DTX2: variants seen among roughly 807,000 people sequenced by gnomAD.
DTX2 encodes the protein deltex E3 ubiquitin ligase 2.
A neutral mutation model predicts 55.3 loss-of-function variants in DTX2; 29 were observed. That is an observed-to-expected ratio of 0.52 (90% CI 0.39 to 0.71). The LOEUF is 0.71. Ranked by LOEUF, DTX2 falls within the 30% of genes least tolerant of loss-of-function variation. The probability of loss-of-function intolerance (pLI) is 0.00; values close to 1 mark genes in which losing one functional copy is unlikely to be tolerated. For missense variants in DTX2, 537 were observed against 822.5 expected (o/e 0.65, Z 4.25); for synonymous variants, 276 against 340.4 (o/e 0.81, Z 2.08).
At position 76,480,776 on chromosome 7, in the gene DTX2, C is replaced by T. The variant is rs765684567; in HGVS notation, c.267C>T (p.Thr89=). 1.3e-4 allele frequency: 205 copies of T among 1,594,808 alleles called. No individual in the cohort carries two copies. Among genetic ancestry groups the T allele is most frequent in the South Asian group, 9.1e-4 (81 of 88,780 alleles). Residue 89 remains threonine (T), a splice_region_variant and synonymous_variant, in exon 3 of 11, where the codon ACC becomes ACT. Coordinates refer to ENST00000430490, the MANE Select transcript of DTX2 (RefSeq NM_001102594.3). ...LPSWTQFRQD[T]GTMRAVRRHL... ...GCTGGACCCAGTTCCGCCAGGACAC[C>T]GGTAAGACGCTGTCTGCCTCTCGCA...
Position 76,483,093 on chromosome 7 carries a change from CCCA to C in DTX2, c.857_859del (p.His286del). 2 of 1,613,160 alleles carry C rather than the reference CCCA, an allele frequency of 1.2e-6. No individual in the cohort carries two copies. Among genetic ancestry groups the C allele is most frequent in the African/African-American group, 2.7e-5 (2 of 75,056 alleles). On this transcript the variant is annotated inframe_deletion, in exon 4 of 11. Coordinates refer to ENST00000430490, the MANE Select transcript of DTX2 (RefSeq NM_001102594.3). ...CAGCCCCTCTACCGCTCCAGCCTCT[CCCA>C]CCTGGGACCGCAGCACCTGCCCCCA...
Position 76,482,679 on chromosome 7 carries a change from C to G in DTX2, c.440C>G (p.Pro147Arg), listed in dbSNP as rs1809387224. ...GGCAACCAGCTCGTGGACTTGGCCC[C>G]CCTGGGGTACAACTACACTGTCAAC... ...ARGNQLVDLAPLGYNYTVNYT... is the reference protein window; with the variant it reads ...ARGNQLVDLARLGYNYTVNYT... Residue 147 changes from proline (P) to arginine (R), a missense_variant, in exon 4 of 11, where the codon CCC becomes CGC. Coordinates refer to ENST00000430490, the MANE Select transcript of DTX2 (RefSeq NM_001102594.3). 6.2e-7 allele frequency: 1 copy of G among 1,613,666 alleles called. No homozygotes were observed. The highest frequency in any genetic ancestry group is 8.5e-7 in the Non-Finnish European group (1 of 1,179,776).
Position 76,505,618 on chromosome 7 carries a change from G to A in DTX2, c.*17G>A, listed in dbSNP as rs762950989. ...CAGCAGTGACCTCGCACCCCAGCAC[G>A]CCCGCCTCTGGTGGCCACCCCGCTG... is the stretch of plus-strand genomic sequence containing the variant. On this transcript the variant is annotated 3_prime_UTR_variant, in exon 11 of 11. Transcript: ENST00000430490. This position sits in a 1 kb window ranked among gnomAD's most constrained non-coding sequence, Gnocchi z 4.4. 1.5e-5 allele frequency: 23 copies of A among 1,502,154 alleles called. No individual in the cohort carries two copies. In the East Asian group the frequency reaches 2.0e-4, roughly 13 times the overall value. The allele number at this position is 1,502,154 out of a possible 1,614,324, so 93.1% of individuals were successfully genotyped here. A position where few individuals can be genotyped will look rare whatever the true frequency, so the allele number is the denominator to read the frequency against.
chr7:76,471,320 C>T (rs1311307870), intron 2 of DTX2, among the ~76,000 whole-genome samples: 1 of 147,832 alleles, frequency 6.8e-6, no homozygotes, highest in Non-Finnish European at 1.5e-5. Flanking sequence ...CGCCACCGCG[C>T]CCGGCTAATT....
chr7:76,484,013 C>T lies in DTX2; in HGVS notation c.908+866C>T, dbSNP rs528249997. On this transcript the variant is annotated intron_variant, in intron 4 of 10. Transcript: ENST00000430490. Reference sequence around the variant, plus strand: ...TCAAGGCAGCAGTGAGCTGTGATCGCACCACTGCACTTCAGCCCCCTAGGT... The same window carrying T: ...TCAAGGCAGCAGTGAGCTGTGATCGTACCACTGCACTTCAGCCCCCTAGGT... Among the ~76,000 whole-genome samples, 1,053 of 145,116 alleles carry T rather than the reference C, an allele frequency of 7.3e-3. 30 individuals carry two copies. The highest frequency in any genetic ancestry group is 0.025 in the African/African-American group (947 of 37,848).
intron 2 of DTX2, among the ~76,000 whole-genome samples, chr7:76,468,410 G>A (rs1807421611): frequency 7.3e-6 from 1 of 136,764 alleles, no homozygotes; most frequent in Admixed American, 7.8e-5. Flanking sequence ...GCAGAGGTCT[G>A]CAAACGATGG....
At chr7:76,473,938 TGA>T (rs1808222813) in intron 2 of DTX2, among the ~76,000 whole-genome samples, 1 of 113,328 alleles carries the variant, frequency 8.8e-6, no homozygotes, top group Admixed American at 9.5e-5. Context: ...TTTTTTTTTT[TGA>T]GACTGAGTTT....
intron 9 of DTX2, 35 bp downstream of exon 9, chr7:76,503,622 A>T: frequency 3.8e-6 from 6 of 1,579,136 alleles, no homozygotes; most frequent in Non-Finnish European, 5.2e-6. Context: ...ACTCCTGGCC[A>T]CTCCTCTTCC....
rs1811945863 is a variant in DTX2, at chr7:76,503,308, C to G, written c.1390-118C>G. On this transcript the variant is annotated intron_variant, in intron 8 of 10. Transcript: ENST00000430490. ...CAGTTTCCGGGCAGGAGGCTGCCAG[C>G]AACTCCCTGGGATGGTGGCCAGCCC... 21 of 1,193,440 alleles carry G rather than the reference C, an allele frequency of 1.8e-5. No individual in the cohort carries two copies. The South Asian group carries it at 3.5e-4, about 20-fold the overall frequency. The allele number at this position is 1,193,440 out of a possible 1,614,324, so 73.9% of individuals were successfully genotyped here.
At chr7:76,501,257 C>G in intron 7 of DTX2, 1 of 456,164 alleles carries the variant, frequency 2.2e-6, no homozygotes. Flanking sequence ...TCACTTGTCT[C>G]TTTCTCCAGT....
intron 2 of DTX2, among the ~76,000 whole-genome samples, chr7:76,475,235 C>T (rs1382288771): frequency 5.3e-5 from 8 of 151,742 alleles, no homozygotes; most frequent in East Asian, 3.9e-4. Context: ...CACTTGAACC[C>T]GGGAGGCGGA....
At chr7:76,498,375 A>G (rs1461908542) in intron 6 of DTX2, among the ~76,000 whole-genome samples, 1 of 151,268 alleles carries the variant, frequency 6.6e-6, no homozygotes, top group Non-Finnish European at 1.5e-5. Flanking sequence ...AGGGCTCTGC[A>G]CGCCCTGCCC....
chr7:76,471,223 G>A (rs1284466354), intron 2 of DTX2, among the ~76,000 whole-genome samples: 9 of 138,814 alleles, frequency 6.5e-5, no homozygotes, highest in South Asian at 2.6e-4. Context: ...GTGCAGTGGC[G>A]CGATCTTGGC....
intron 2 of DTX2, among the ~76,000 whole-genome samples, chr7:76,468,447 C>CTTTTT (rs1807434283): frequency 1.3e-5 from 1 of 77,676 alleles, no homozygotes. Context: ...GGCCCACTGC[C>CTTTTT]ATTTTTTTTT....
intron 2 of DTX2, among the ~76,000 whole-genome samples, chr7:76,469,348 C>G (rs1807592656): frequency 8.4e-6 from 1 of 119,154 alleles, no homozygotes; most frequent in African/African-American, 3.4e-5. Context: ...TCAAGGGAAG[C>G]TTGAAATCTA....
At chr7:76,498,394 C>A (rs1443129251) in intron 6 of DTX2, among the ~76,000 whole-genome samples, 4 of 151,766 alleles carry the variant, frequency 2.6e-5, no homozygotes, top group Admixed American at 1.3e-4. Context: ...CCTTCCCCTG[C>A]CCTGGGGGAG....
In DTX2 at chr7:76,490,226, T is replaced by C. The variant is rs1477350989; in HGVS notation, c.909-1927T>C. On this transcript the variant is annotated intron_variant, in intron 4 of 10. Coordinates refer to ENST00000430490, the MANE Select transcript of DTX2 (RefSeq NM_001102594.3). ...CTGTAGTCCCAGCTACTCAGGAGGC[T>C]GAGGCAGGAGAATCGCTTGAACCTG... is the stretch of plus-strand genomic sequence containing the variant. Among the ~76,000 whole-genome samples, 6 of 85,100 alleles carry C rather than the reference T, an allele frequency of 7.1e-5. 3 individuals carry two copies. Among genetic ancestry groups the C allele is most frequent in the Non-Finnish European group, 1.4e-4 (6 of 41,758 alleles). 55.8% of individuals were successfully genotyped at this position (85,100 alleles called of 152,430 possible).
rs1808045620 is a variant in DTX2, at chr7:76,472,490, C to G, written c.-89-7931C>G. On this transcript the variant is annotated intron_variant, in intron 2 of 10. Coordinates refer to ENST00000430490, the MANE Select transcript of DTX2 (RefSeq NM_001102594.3). ...TACAGGTGCATGCCACCATGCCCAG[C>G]TAATTTTTGTATTTTTAGTAGAGAC... 1.4e-5 allele frequency among the ~76,000 whole-genome samples: 2 copies of G among 146,700 alleles called. 1 individual carries two copies. Among genetic ancestry groups the G allele is most frequent in the African/African-American group, 5.2e-5 (2 of 38,456 alleles).
chr7:76,495,588 C>G (rs1464285536), intron 5 of DTX2, among the ~76,000 whole-genome samples: 1 of 148,972 alleles, frequency 6.7e-6, no homozygotes, highest in Non-Finnish European at 1.5e-5. Context: ...CATGCGGCCT[C>G]CTGGGGGCTG....
Sources: gnomAD v4.1 joint callset for allele counts (sites outside exome capture counted in the v4.1 genomes callset) on GRCh38, gnomAD v4.1.1 for gene constraint, Gnocchi (gnomAD v3.1) non-coding constraint, MANE v1.5 for transcripts, NCBI Gene and HGNC (gene_info 2026-07-23, HGNC 2026-07-21) for gene names.